KANSL1: variants seen among roughly 807,000 people sequenced by gnomAD.
The protein encoded by KANSL1 is MLL1/MLL complex subunit KANSL1.
Under a neutral mutation model 103.6 loss-of-function variants are expected in KANSL1, and 22 were observed. The observed-to-expected ratio is 0.21, with a 90% CI of 0.15 to 0.30. KANSL1 has a LOEUF of 0.30. Ranked by LOEUF, KANSL1 falls within the 10% of genes least tolerant of loss-of-function variation. The pLI is 1.00. For missense variants in KANSL1, 1,337 were observed against 1,399.8 expected (o/e 0.96, Z 0.72); for synonymous variants, 600 against 527.6 (o/e 1.14, Z -1.88).
rs2076987262 is a variant in KANSL1 at position 46,030,834 on chromosome 17, G to C, written c.*642C>G. On this transcript the variant is annotated 3_prime_UTR_variant, in exon 15 of 15. Coordinates refer to ENST00000432791, the MANE Select transcript of KANSL1 (RefSeq NM_015443.4). ...GCAGCCACAGCCAGGTTACTGCAGT[G>C]AAAGAGTCAAAACAGAGAAGACCAA... The C allele has an allele frequency of 6.5e-6, 1 of 152,700 alleles. No homozygotes were observed. Among genetic ancestry groups the C allele is most frequent in the Non-Finnish European group, 1.5e-5 (1 of 68,436 alleles). The allele number at this position is 152,700 out of a possible 1,614,324, so 9.5% of individuals were successfully genotyped here. A position where few individuals can be genotyped will look rare whatever the true frequency, so the allele number is the denominator to read the frequency against.
chr17:46,130,248 G>A (rs1240128027), intron 2 of KANSL1, among the ~76,000 whole-genome samples: 2 of 146,158 alleles, frequency 1.4e-5, no homozygotes, highest in African/African-American at 2.5e-5. Flanking sequence ...GAATGCTGGA[G>A]ACCCACACCA....
intron 1 of KANSL1, among the ~76,000 whole-genome samples, chr17:46,192,041 T>C (rs2047357107): frequency 6.6e-6 from 1 of 152,154 alleles, no homozygotes; most frequent in South Asian, 2.1e-4. Context: ...GAGAGCAATT[T>C]AAAGTGGCGC....
intron 4 of KANSL1, among the ~76,000 whole-genome samples, chr17:46,076,261 G>A (rs556207148): frequency 2.0e-5 from 3 of 152,242 alleles, no homozygotes; most frequent in East Asian, 1.9e-4. Flanking sequence ...TTGGGAGGCC[G>A]AGGCAGGCGG....
chr17:46,099,216 C>T (rs1428662442), intron 2 of KANSL1, among the ~76,000 whole-genome samples: 2 of 142,560 alleles, frequency 1.4e-5, no homozygotes, highest in Admixed American at 1.5e-4. Context: ...CCCAGCTACT[C>T]GGGAGGCTGA....
upstream of KANSL1, chr17:46,225,337 C>CT (rs1354071522): frequency 2.0e-5 from 3 of 152,734 alleles, no homozygotes; most frequent in African/African-American, 7.2e-5. Context: ...AGCCCCGGAC[C>CT]TACCTGCACG....
chr17:46,180,341 C>CA (rs1291775698), intron 1 of KANSL1, among the ~76,000 whole-genome samples: 5 of 151,556 alleles, frequency 3.3e-5, no homozygotes, highest in Middle Eastern at 3.5e-3. Context: ...AATAAAAATA[C>CA]AAAAAAATCA....
chr17:46,101,179 G>A (rs2042298237), intron 2 of KANSL1, among the ~76,000 whole-genome samples: 2 of 152,130 alleles, frequency 1.3e-5, no homozygotes, highest in Admixed American at 1.3e-4. Flanking sequence ...TAAGAGTTAG[G>A]GTCACTGTGG....
intron 1 of KANSL1, among the ~76,000 whole-genome samples, chr17:46,174,268 T>C (rs1197739996): frequency 6.6e-6 from 1 of 152,206 alleles, no homozygotes; most frequent in Admixed American, 6.5e-5. Flanking sequence ...CACTGTAACC[T>C]CTGCCTCCTG....
In KANSL1 at chr17:46,171,742, G is replaced by A. The variant is rs1340810546; in HGVS notation, c.402C>T (p.Ser134=). ...TATTCATGGTTCTAAGATTTTCTAAGGAAAACTCCAAAACTGGCTGTCTCC... is the reference window on the plus strand; with the variant it reads ...TATTCATGGTTCTAAGATTTTCTAAAGAAAACTCCAAAACTGGCTGTCTCC... ...LLGRQPVLEF[S]LENLRTMNTS... is the part of the protein sequence containing the mutation. The change falls in exon 2 of 15, where the codon TCC becomes TCT. Residue 134 remains serine (S), a synonymous_variant. Transcript: ENST00000432791. 1.9e-6 allele frequency: 3 copies of A among 1,582,492 alleles called. No homozygotes were observed. Among genetic ancestry groups the A allele is most frequent in the South Asian group, 2.3e-5 (2 of 86,868 alleles).
intron 1 of KANSL1, among the ~76,000 whole-genome samples, chr17:46,184,716 G>A (rs567262948): frequency 6.6e-6 from 1 of 152,124 alleles, no homozygotes; most frequent in Non-Finnish European, 1.5e-5. Context: ...ATTACTCCCA[G>A]GTTGAGGTGG....
At chr17:46,152,265 T>G (rs2045148412) in intron 2 of KANSL1, among the ~76,000 whole-genome samples, 1 of 152,254 alleles carries the variant, frequency 6.6e-6, no homozygotes, top group African/African-American at 2.4e-5. Context: ...TCCACTTAAA[T>G]ACTAACCTGA....
chr17:46,203,757 G>A (rs2047878106), intron 1 of KANSL1, among the ~76,000 whole-genome samples: 1 of 152,194 alleles, frequency 6.6e-6, no homozygotes, highest in African/African-American at 2.4e-5. Context: ...TAACCAAAAT[G>A]AAATAACAAA....
chr17:46,089,824 A>C (rs2079313774), intron 3 of KANSL1, among the ~76,000 whole-genome samples: 1 of 152,246 alleles, frequency 6.6e-6, no homozygotes, highest in South Asian at 2.1e-4. Flanking sequence ...CGTGAATGAG[A>C]GTAAAATGCT....
At chr17:46,074,904 TAGAA>T (rs1435858792) in intron 4 of KANSL1, among the ~76,000 whole-genome samples, 2 of 152,158 alleles carry the variant, frequency 1.3e-5, no homozygotes, top group African/African-American at 4.8e-5. Context: ...TCATCACTAT[TAGAA>T]AGACAAGTCA....
intron 2 of KANSL1, 63 bp downstream of exon 2, chr17:46,170,792 T>A: frequency 6.8e-7 from 1 of 1,462,566 alleles, no homozygotes. Context: ...ATAATGGCGA[T>A]TCATTCATTC....
In KANSL1 at chr17:46,171,536, C is replaced by G. The variant is rs759522694; in HGVS notation, c.608G>C (p.Gly203Ala). 1.2e-6 allele frequency: 2 copies of G among 1,612,554 alleles called. No individual in the cohort carries two copies. Among genetic ancestry groups the G allele is most frequent in the Middle Eastern group, 3.3e-4 (2 of 6,056 alleles). Reference sequence around the variant, plus strand: ...TGGAAGAGTGCAATTGGTCATACCCCCCTTCAAGTCCCCAGATTCAGATCC... The same window carrying G: ...TGGAAGAGTGCAATTGGTCATACCCGCCTTCAAGTCCCCAGATTCAGATCC... ...MGGSESGDLK[G>A]GMTNCTLPHR... is the part of the protein sequence containing the mutation. Residue 203 changes from glycine (G) to alanine (A), a missense_variant, in exon 2 of 15, where the codon GGG (glycine) becomes GCG (alanine). This residue lies in a region of KANSL1 where 557 missense variants were observed against 476.4 expected (regional missense o/e 1.17). Coordinates refer to ENST00000432791, the MANE Select transcript of KANSL1 (RefSeq NM_015443.4).
intron 1 of KANSL1, chr17:46,192,285 A>G (rs1239601314): frequency 6.6e-6 from 1 of 151,932 alleles, no homozygotes; most frequent in African/African-American, 2.4e-5. Context: ...CTTAAAAGCA[A>G]ATAAATCCCT....
intron 2 of KANSL1, chr17:46,156,728 CTT>C (rs2045450402): frequency 6.6e-6 from 1 of 152,502 alleles, no homozygotes; most frequent in Admixed American, 6.5e-5. Context: ...AATGCTTCCT[CTT>C]TTACTTGAAA....
intron 1 of KANSL1, among the ~76,000 whole-genome samples, chr17:46,189,906 C>CAAAAAAAAAAAAAAAAAA (rs55934305): frequency 8.9e-6 from 1 of 112,452 alleles, no homozygotes; most frequent in African/African-American, 3.6e-5. Flanking sequence ...GACCCTGCCT[C>CAAAAAAAAAAAAAAAAAA]AAAAAAAAAA....
Sources: gnomAD v4.1 joint callset for allele counts (sites outside exome capture counted in the v4.1 genomes callset) on GRCh38, gnomAD v4.1.1 for gene constraint, gnomAD v4.1.1 regional missense constraint, MANE v1.5 for transcripts, NCBI Gene and HGNC (gene_info 2026-07-23, HGNC 2026-07-21) for gene names.